FILIP1L: variants seen among roughly 807,000 people sequenced by gnomAD.
FILIP1L encodes filamin A interacting protein 1 like.
FILIP1L carries 55 observed loss-of-function variants against 96.6 expected under a neutral mutation model. The ratio of observed to expected loss-of-function variants is 0.57; its 90% CI spans 0.46 to 0.71. The LOEUF is 0.71. FILIP1L is among the 30% of genes least tolerant of loss of function. FILIP1L has a pLI of 0.00. For missense variants in FILIP1L, 1,304 were observed against 1,321.2 expected, an observed-to-expected ratio of 0.99 and a Z score of 0.20; for synonymous variants, 467 against 473.9, an observed-to-expected ratio of 0.99 and a Z score of 0.19.
At chr3:99,974,149 G>A (rs1708901068) in intron 1 of FILIP1L, among the ~76,000 whole-genome samples, 1 of 152,180 alleles carries the variant, frequency 6.6e-6, no homozygotes, top group South Asian at 2.1e-4. Context: ...CTAATTGCTT[G>A]TAGGTATTGG....
chr3:99,851,619 G>A (rs979787408), intron 4 of FILIP1L, among the ~76,000 whole-genome samples: 1 of 152,178 alleles, frequency 6.6e-6, no homozygotes, highest in East Asian at 1.9e-4. Flanking sequence ...GGTATTAGTT[G>A]TTGCTGCTGT....
intron 5 of FILIP1L, among the ~76,000 whole-genome samples, chr3:99,844,143 G>C (rs2107511736): frequency 6.6e-6 from 1 of 152,274 alleles, no homozygotes; most frequent in African/African-American, 2.4e-5. Flanking sequence ...CACTGGGAGA[G>C]AGTATCTTAC....
At chr3:99,906,859 C>T (rs188022428) in intron 4 of FILIP1L, among the ~76,000 whole-genome samples, 1 of 152,206 alleles carries the variant, frequency 6.6e-6, no homozygotes, top group Non-Finnish European at 1.5e-5. Context: ...TTTCCCCACC[C>T]ATGCCCTAAC....
At chr3:99,848,174 G>C in intron 5 of FILIP1L, 121 bp downstream of exon 5, 1 of 1,537,034 alleles carries the variant, frequency 6.5e-7, no homozygotes, top group South Asian at 1.3e-5. Context: ...CCTTCCCAAA[G>C]TACGAGTTCA....
intron 4 of FILIP1L, 30 bp from the exon 5 acceptor site, chr3:99,851,100 T>C (rs1349209225): frequency 4.6e-6 from 7 of 1,520,904 alleles, no homozygotes; most frequent in Non-Finnish European, 6.1e-6. Flanking sequence ...TTTTATTTTG[T>C]GATTGATGCT....
intron 1 of FILIP1L, among the ~76,000 whole-genome samples, chr3:99,979,692 T>C (rs1024817260): frequency 2.0e-5 from 3 of 152,212 alleles, no homozygotes; most frequent in Admixed American, 6.5e-5. Flanking sequence ...AAAATACCAT[T>C]AGCTTTTTAT....
intron 1 of FILIP1L, among the ~76,000 whole-genome samples, chr3:100,061,660 A>C (rs1415098232): frequency 1.3e-5 from 2 of 152,226 alleles, no homozygotes; most frequent in African/African-American, 4.8e-5. Context: ...TCTAGGTGCT[A>C]AGTGCTTTAC....
intron 1 of FILIP1L, among the ~76,000 whole-genome samples, chr3:99,975,814 A>G (rs1171359521): frequency 1.3e-5 from 2 of 152,172 alleles, no homozygotes; most frequent in Non-Finnish European, 2.9e-5. Context: ...TTGTAGAAGG[A>G]AAGTTTAGAA....
chr3:99,848,273 G>T (rs774720280), intron 5 of FILIP1L, 22 bp downstream of exon 5: 1 of 1,611,892 alleles, frequency 6.2e-7, no homozygotes, highest in African/African-American at 1.3e-5. Flanking sequence ...GGTGAGCGTG[G>T]TCAGTTATAT....
chr3:99,958,245 T>TATTATC (rs1179602939), intron 1 of FILIP1L, among the ~76,000 whole-genome samples: 1 of 143,950 alleles, frequency 6.9e-6, no homozygotes, highest in East Asian at 2.0e-4. Context: ...TTATTATTAT[T>TATTATC]ATTATTTGAA....
At chr3:99,915,542 C>G (rs540106655) in intron 4 of FILIP1L, among the ~76,000 whole-genome samples, 1 of 152,116 alleles carries the variant, frequency 6.6e-6, no homozygotes, top group Non-Finnish European at 1.5e-5. Flanking sequence ...ATTTGGAAGG[C>G]TACATTTTTC....
intron 3 of FILIP1L, 99 bp from the exon 4 acceptor site, chr3:99,924,507 G>T: frequency 8.2e-7 from 1 of 1,221,872 alleles, no homozygotes; most frequent in Non-Finnish European, 1.2e-6. Flanking sequence ...TTCGGCAGTG[G>T]GTTTTTTTGG....
chr3:99,869,286 G>A (rs1944670229), intron 4 of FILIP1L, among the ~76,000 whole-genome samples: 1 of 152,290 alleles, frequency 6.6e-6, no homozygotes, highest in East Asian at 1.9e-4. Flanking sequence ...TCAGCCTAAT[G>A]AATTTTATTG....
At chr3:100,041,435 C>G (rs1029162260) in intron 1 of FILIP1L, 2 of 152,088 alleles carry the variant, frequency 1.3e-5, no homozygotes, top group Non-Finnish European at 2.9e-5. Context: ...TGAGCTTTTT[C>G]TTTATGTGCA....
intron 1 of FILIP1L, among the ~76,000 whole-genome samples, chr3:100,045,556 ATCAGGGGACT>A (rs2065266118): frequency 6.6e-6 from 1 of 152,040 alleles, no homozygotes; most frequent in Non-Finnish European, 1.5e-5. Flanking sequence ...CCCCTGAAAA[ATCAGGGGACT>A]TCATTTATCT....
intron 4 of FILIP1L, among the ~76,000 whole-genome samples, chr3:99,867,384 A>T (rs528547289): frequency 3.2e-4 from 48 of 152,324 alleles, no homozygotes; most frequent in African/African-American, 1.2e-3. Flanking sequence ...GAATTTTAAG[A>T]GAAGGCAAAC....
At chr3:99,965,518 A>G (rs559061700) in intron 1 of FILIP1L, among the ~76,000 whole-genome samples, 2 of 152,174 alleles carry the variant, frequency 1.3e-5, no homozygotes, top group South Asian at 2.1e-4. Context: ...TCTTCCAGAT[A>G]CTTTTCTTCA....
chr3:100,108,539 A>G (rs2066432327), intron 1 of FILIP1L, among the ~76,000 whole-genome samples: 1 of 152,174 alleles, frequency 6.6e-6, no homozygotes, highest in Non-Finnish European at 1.5e-5. Context: ...CATTAAATGC[A>G]TTGTGGTACA....
At chr3:99,872,579 C>T (rs1944854981) in intron 4 of FILIP1L, among the ~76,000 whole-genome samples, 1 of 151,976 alleles carries the variant, frequency 6.6e-6, no homozygotes, top group Non-Finnish European at 1.5e-5. Context: ...CCTGCCTGCC[C>T]CCACAAACAC....
Sources: gnomAD v4.1 joint callset for allele counts (sites outside exome capture counted in the v4.1 genomes callset) on GRCh38, gnomAD v4.1.1 for gene constraint, MANE v1.5 for transcripts, NCBI Gene and HGNC (gene_info 2026-07-23, HGNC 2026-07-21) for gene names.